Variants in ATP10D observed in about 807,000 individuals in gnomAD.
ATP10D encodes the protein phospholipid-transporting ATPase VD.
ATP10D carries 89 observed loss-of-function variants against 144.8 expected under a neutral mutation model. The observed-to-expected ratio is 0.61, with a 90% confidence interval of 0.52 to 0.73. The LOEUF is 0.73. ATP10D is among the 30% of genes least tolerant of loss of function. The probability of loss-of-function intolerance (pLI) is 0.00; values close to 1 mark genes in which losing one functional copy is unlikely to be tolerated. For synonymous variants in ATP10D, 571 were observed against 615.1 expected, an observed-to-expected ratio of 0.93 and a Z score of 1.06; for missense variants, 1,603 against 1,714.8, an observed-to-expected ratio of 0.93 and a Z score of 1.15.
chr4:47,575,082 G>T (rs937481893), intron 18 of ATP10D, among the ~76,000 whole-genome samples: 2 of 152,122 alleles, frequency 1.3e-5, no homozygotes, highest in African/African-American at 4.8e-5. Flanking sequence ...CTCCCAAAGT[G>T]CTGGGATTAC....
At position 47,558,189 on chromosome 4, in the gene ATP10D, C is replaced by T. The variant is rs74552892; in HGVS notation, c.2350C>T (p.Arg784Ter). 1.1e-5 allele frequency: 18 copies of T among 1,614,106 alleles called. No individual in the cohort carries two copies. Among genetic ancestry groups the T allele is most frequent in the East Asian group, 2.2e-5 (1 of 44,882 alleles). The change falls in exon 12 of 23, where the codon CGA becomes TGA. Residue 784 changes from arginine (R) to a stop codon, truncating the protein, a stop_gained. Transcript: ENST00000273859. LOFTEE classifies it high-confidence loss of function. ...AAGAAAAAGAATGTCTGTTGTGGTC[C>T]GACACCCTCTTTCCAATCAAGTTGT... ...SVRKRMSVVV[R>*]HPLSNQVVVY...
At position 47,576,971 on chromosome 4, in the gene ATP10D, G is replaced by A. The variant is rs751195786; in HGVS notation, c.3565G>A (p.Glu1189Lys). The A allele has an allele frequency of 4.3e-6, 7 of 1,614,004 alleles. No homozygotes were observed. The highest frequency in any genetic ancestry group is 5.9e-6 in the Non-Finnish European group (7 of 1,179,968). Residue 1189 changes from glutamate (E) to lysine (K), a missense_variant and splice_region_variant, in exon 19 of 23, where the codon GAG becomes AAG. Coordinates refer to ENST00000273859, the MANE Select transcript of ATP10D (RefSeq NM_020453.4). ...PELYRSGQKS[E>K]AYLPHTFWIT... is the part of the protein sequence containing the mutation. The stretch of plus-strand genomic sequence containing the variant: ...ACTTTACAGAAGTGGTCAGAAATCA[G>A]AGGTAGGTGTTAAAGCAAGAGTGCT...
At position 47,576,926 on chromosome 4, in the gene ATP10D, A is replaced by AC; in HGVS notation, c.3523dup (p.Leu1175ProfsTer6). On this transcript the variant is annotated frameshift_variant, in exon 19 of 23. Coordinates refer to ENST00000273859, the MANE Select transcript of ATP10D (RefSeq NM_020453.4). LOFTEE classifies it high-confidence loss of function. ...TTTGGAGAAAGATGTGTCTGCAGAGACCCTCATGCAACTGCCTGAACTTTA... is the reference window on the plus strand; with the variant it reads ...TTTGGAGAAAGATGTGTCTGCAGAGACCCCTCATGCAACTGCCTGAACTTTA... 1.2e-6 allele frequency: 2 copies of AC among 1,614,168 alleles called. No homozygotes were observed. The highest frequency in any genetic ancestry group is 1.7e-6 in the Non-Finnish European group (2 of 1,180,024).
intron 18 of ATP10D, 116 bp from the exon 19 acceptor site, chr4:47,576,657 T>C (rs1720259360): frequency 3.3e-6 from 3 of 907,376 alleles, no homozygotes; most frequent in South Asian, 3.2e-5. Flanking sequence ...CTATCTTATA[T>C]AAGAAAACTA....
At chr4:47,527,473 C>T (rs73237084) in intron 5 of ATP10D, among the ~76,000 whole-genome samples, 18,606 of 152,072 alleles carry the variant, frequency 0.12, 1,481 homozygotes, top group South Asian at 0.24. Context: ...AAATTTTGCT[C>T]CTCCAATGAT....
Position 47,563,701 on chromosome 4 carries a change from T to C in ATP10D, c.2789T>C (p.Ile930Thr), listed in dbSNP as rs1447780613. ...TGDKQETAVNIAYACKLLEPD... is the reference protein window; with the variant it reads ...TGDKQETAVNTAYACKLLEPD... ...GACAAGCAGGAGACAGCTGTCAACA[T>C]AGCTTATGCATGCAAACTACTGGAG... The change falls in exon 15 of 23, where the codon ATA becomes ACA. Residue 930 changes from isoleucine (I) to threonine (T), a missense_variant. Transcript: ENST00000273859. The C allele has an allele frequency of 4.3e-6, 7 of 1,613,786 alleles. No homozygotes were observed. The highest frequency in any genetic ancestry group is 3.3e-5 in the Admixed American group (2 of 59,944).
chr4:47,546,337 C>CAAAG (rs56131850), intron 9 of ATP10D, among the ~76,000 whole-genome samples: 129,472 of 151,810 alleles, frequency 0.85, 55,604 homozygotes, highest in East Asian at 0.99. Flanking sequence ...GTGTCTGAAA[C>CAAAG]AGAGATGCTT....
At chr4:47,570,528 G>A (rs560092761) in intron 16 of ATP10D, among the ~76,000 whole-genome samples, 1 of 152,182 alleles carries the variant, frequency 6.6e-6, no homozygotes, top group South Asian at 2.1e-4. Flanking sequence ...ATCAGGCCAG[G>A]TACAGTGGCT....
intron 3 of ATP10D, among the ~76,000 whole-genome samples, chr4:47,518,083 G>T (rs1716775123): frequency 6.6e-6 from 1 of 152,072 alleles, no homozygotes; most frequent in Non-Finnish European, 1.5e-5. Context: ...ATGCCTTGTT[G>T]ATTTAAATAT....
intron 1 of ATP10D, among the ~76,000 whole-genome samples, chr4:47,511,433 T>C (rs1351356460): frequency 1.3e-5 from 2 of 152,126 alleles, no homozygotes; most frequent in Non-Finnish European, 2.9e-5. Context: ...CCATCAAAAG[T>C]GATTGTCTGC....
intron 9 of ATP10D, among the ~76,000 whole-genome samples, chr4:47,544,775 TCTTCA>T (rs1208797749): frequency 6.6e-6 from 1 of 152,180 alleles, no homozygotes; most frequent in Non-Finnish European, 1.5e-5. Context: ...GTGCAAACAT[TCTTCA>T]CTTCATAGAA....
intron 3 of ATP10D, among the ~76,000 whole-genome samples, chr4:47,522,438 C>G (rs1716995579): frequency 1.3e-5 from 2 of 152,166 alleles, no homozygotes; most frequent in African/African-American, 4.8e-5. Flanking sequence ...TAGACTCAAA[C>G]AGCATAATGG....
rs1200800874 is a variant in ATP10D at position 47,558,934 on chromosome 4, C to G, written c.2446C>G (p.Leu816Val). 6.2e-7 allele frequency: 1 copy of G among 1,613,262 alleles called. No individual in the cohort carries two copies. The highest frequency in any genetic ancestry group is 8.5e-7 in the Non-Finnish European group (1 of 1,179,668). Reference sequence around the variant, plus strand: ...GTCCATTATTTCAGATGGAGCAAGTCTGGAGAAACAACAGATGATAGTAAG... The same window carrying G: ...GTCCATTATTTCAGATGGAGCAAGTGTGGAGAAACAACAGATGATAGTAAG... ...LSVASPDGASLEKQQMIVREK... is the reference protein window; with the variant it reads ...LSVASPDGASVEKQQMIVREK... The change falls in exon 13 of 23, where the codon CTG (leucine) becomes GTG (valine). Residue 816 changes from leucine to valine, a missense_variant. Transcript: ENST00000273859.
intron 21 of ATP10D, among the ~76,000 whole-genome samples, chr4:47,582,383 A>G (rs1309230949): frequency 6.6e-6 from 1 of 152,200 alleles, no homozygotes; most frequent in African/African-American, 2.4e-5. Context: ...GTGAAAATGA[A>G]AAAAGGTGTT....
chr4:47,564,114 A>G (rs1396697579), intron 15 of ATP10D, among the ~76,000 whole-genome samples: 7 of 151,608 alleles, frequency 4.6e-5, no homozygotes, highest in Admixed American at 2.0e-4. Flanking sequence ...CTGATCTTGA[A>G]CTCTTGACCT....
At chr4:47,526,726 T>G (rs1177243515) in intron 5 of ATP10D, among the ~76,000 whole-genome samples, 1 of 152,178 alleles carries the variant, frequency 6.6e-6, no homozygotes, top group Non-Finnish European at 1.5e-5. Flanking sequence ...ATGCTAATAA[T>G]TAGCAGATAT....
At chr4:47,575,267 A>G (rs1720168367) in intron 18 of ATP10D, among the ~76,000 whole-genome samples, 1 of 152,148 alleles carries the variant, frequency 6.6e-6, no homozygotes, top group Non-Finnish European at 1.5e-5. Flanking sequence ...CCTTGAGACA[A>G]AACTCTCTCT....
intron 11 of ATP10D, among the ~76,000 whole-genome samples, chr4:47,557,345 C>T (rs1719036999): frequency 6.6e-6 from 1 of 151,706 alleles, no homozygotes; most frequent in Non-Finnish European, 1.5e-5. Context: ...CATTTTATGT[C>T]TTTTATTATC....
At chr4:47,561,637 C>A (rs1719308345) in intron 14 of ATP10D, among the ~76,000 whole-genome samples, 1 of 152,112 alleles carries the variant, frequency 6.6e-6, no homozygotes, top group African/African-American at 2.4e-5. Flanking sequence ...TTCTTCTCTT[C>A]CTGATTTCAA....
Sources: gnomAD v4.1 joint callset for allele counts (sites outside exome capture counted in the v4.1 genomes callset) on GRCh38, gnomAD v4.1.1 for gene constraint, MANE v1.5 for transcripts, NCBI Gene and HGNC (gene_info 2026-07-23, HGNC 2026-07-21) for gene names.